The following PHF20L1 variants were observed in gnomAD, a reference collection of about 807,000 sequenced individuals.
The protein encoded by PHF20L1 is PHD finger protein 20 like 1, also known as PHD finger protein 20-like protein 1.
PHF20L1 carries 44 observed loss-of-function variants against 125.5 expected under a neutral mutation model. The observed-to-expected ratio is 0.35, with a 90% CI of 0.28 to 0.45. PHF20L1 has a LOEUF of 0.45. PHF20L1 is among the 20% of genes least tolerant of loss of function. The probability of loss-of-function intolerance (pLI) is 1.00; values close to 1 mark genes in which losing one functional copy is unlikely to be tolerated. For synonymous variants in PHF20L1, 380 were observed against 403.1 expected, an observed-to-expected ratio of 0.94 and a Z score of 0.69; for missense variants, 1,012 against 1,217.2, an observed-to-expected ratio of 0.83 and a Z score of 2.51.
At chr8:132,816,847 G>A in intron 10 of PHF20L1, 41 bp from the exon 11 acceptor site, 1 of 1,272,036 alleles carries the variant, frequency 7.9e-7, no homozygotes, top group Non-Finnish European at 1.1e-6. Context: ...AGATGCTCCT[G>A]GTATGTATCT....
intron 9 of PHF20L1, chr8:132,811,817 T>C: frequency 1.0e-6 from 1 of 984,918 alleles, no homozygotes; most frequent in Non-Finnish European, 1.2e-6. Flanking sequence ...GTAATAGCCA[T>C]AACTGGATTT....
At chr8:132,843,271 G>C in intron 19 of PHF20L1, 1 of 984,976 alleles carries the variant, frequency 1.0e-6, no homozygotes, top group Non-Finnish European at 1.2e-6. Flanking sequence ...CTAATTGTCT[G>C]TTTAAAAAAT....
chr8:132,836,443 T>A, intron 15 of PHF20L1, 97 bp from the exon 16 acceptor site: 1 of 757,276 alleles, frequency 1.3e-6, no homozygotes, highest in Admixed American at 2.7e-5. Flanking sequence ...TTAAAATGTT[T>A]AATAGCTTAT....
At chr8:132,800,101 C>A (rs1050799337) in intron 6 of PHF20L1, 4 of 144,344 alleles carry the variant, frequency 2.8e-5, no homozygotes, top group East Asian at 4.0e-4. Flanking sequence ...ATCAGATGTT[C>A]ATGAATTGAC....
chr8:132,787,461 G>A (rs1249140200), intron 2 of PHF20L1, among the ~76,000 whole-genome samples: 2 of 152,056 alleles, frequency 1.3e-5, no homozygotes, highest in African/African-American at 4.8e-5. Context: ...GGGATCAATA[G>A]GTCTGAAAAG....
intron 10 of PHF20L1, chr8:132,815,168 C>A: frequency 4.1e-6 from 1 of 243,382 alleles, no homozygotes; most frequent in Non-Finnish European, 7.7e-6. Flanking sequence ...ACTGAGAGGC[C>A]TGATTCATTA....
chr8:132,783,612 C>T (rs1830681065), intron 2 of PHF20L1, among the ~76,000 whole-genome samples: 1 of 152,022 alleles, frequency 6.6e-6, no homozygotes, highest in Non-Finnish European at 1.5e-5. Flanking sequence ...ATTGTAGGAA[C>T]ACCAGGTGAA....
At chr8:132,801,391 G>T (rs78422136) in intron 6 of PHF20L1, among the ~76,000 whole-genome samples, 2,993 of 151,820 alleles carry the variant, frequency 0.02, 96 homozygotes, top group African/African-American at 0.068. Context: ...AGAGAATCCA[G>T]TGACTTAAAA....
At chr8:132,787,541 T>G (rs756538496) in intron 2 of PHF20L1, among the ~76,000 whole-genome samples, 1 of 152,128 alleles carries the variant, frequency 6.6e-6, no homozygotes, top group Non-Finnish European at 1.5e-5. Flanking sequence ...ACCTATGAGC[T>G]ATCATCTGAA....
At chr8:132,808,532 A>C (rs1446579132) in intron 8 of PHF20L1, 1 of 152,092 alleles carries the variant, frequency 6.6e-6, no homozygotes, top group Admixed American at 6.6e-5. Context: ...GTCCTGTTTG[A>C]ATAGTCCTTA....
At chr8:132,798,349 TC>T (rs1467233650) in intron 4 of PHF20L1, among the ~76,000 whole-genome samples, 2 of 152,064 alleles carry the variant, frequency 1.3e-5, no homozygotes, top group African/African-American at 4.8e-5. Flanking sequence ...GGGCAAATGA[TC>T]TTTTTTGCAT....
chr8:132,837,609 T>C, intron 16 of PHF20L1, 103 bp from the exon 17 acceptor site: 2 of 825,672 alleles, frequency 2.4e-6, no homozygotes, highest in Non-Finnish European at 4.0e-6. Context: ...ATAGTGGCAG[T>C]AAGAAGCCAA....
At position 132,798,828 on chromosome 8, in the gene PHF20L1, A is replaced by G. The variant is rs151044859; in HGVS notation, c.397A>G (p.Ile133Val). The part of the protein sequence containing the change: ...GVIRCLKRMH[I>V]KAMPEDAKGQ... ...AATTCGTTGTTTAAAAAGAATGCACATTAAAGCCATGCCCGAGGATGCTAA... is the reference window on the plus strand; with the variant it reads ...AATTCGTTGTTTAAAAAGAATGCACGTTAAAGCCATGCCCGAGGATGCTAA... The change falls in exon 5 of 21, where the codon ATT becomes GTT. Residue 133 changes from isoleucine (I) to valine (V), a missense_variant. Around this residue, in one of 7 missense-constraint regions of PHF20L1, gnomAD observed 94 missense variants for 179.5 expected, o/e 0.52. Transcript: ENST00000395386. 11 of 1,609,816 alleles carry G rather than the reference A, an allele frequency of 6.8e-6. No individual in the cohort carries two copies. Among genetic ancestry groups the G allele is most frequent in the Non-Finnish European group, 8.5e-6 (10 of 1,177,336 alleles).
chr8:132,801,035 G>C (rs951675097), intron 6 of PHF20L1, among the ~76,000 whole-genome samples: 1 of 151,572 alleles, frequency 6.6e-6, no homozygotes, highest in Non-Finnish European at 1.5e-5. Context: ...TATTATAGGA[G>C]GGGGATTGAT....
chr8:132,785,183 C>G (rs1044070823), intron 2 of PHF20L1, among the ~76,000 whole-genome samples: 1 of 152,158 alleles, frequency 6.6e-6, no homozygotes, highest in Non-Finnish European at 1.5e-5. Context: ...CACACACATC[C>G]AGCTCCCTAT....
chr8:132,794,632 A>G (rs376515995), intron 3 of PHF20L1, 51 bp downstream of exon 3: 91 of 1,514,898 alleles, frequency 6.0e-5, no homozygotes, highest in Non-Finnish European at 7.6e-5. Flanking sequence ...ATGTAATGAC[A>G]TATTTTAAAA....
intron 2 of PHF20L1, 123 bp downstream of exon 2, chr8:132,778,034 CAT>C (rs1214857296): frequency 2.4e-5 from 15 of 626,208 alleles, no homozygotes; most frequent in African/African-American, 2.4e-4. Flanking sequence ...TTCGATTACA[CAT>C]ATATGTTGTT....
At chr8:132,792,690 C>A (rs1831874381) in intron 2 of PHF20L1, among the ~76,000 whole-genome samples, 2 of 152,172 alleles carry the variant, frequency 1.3e-5, no homozygotes, top group Non-Finnish European at 2.9e-5. Context: ...GTGCTAGGTC[C>A]TGGGGACTAC....
rs765670366 is a variant in PHF20L1, at chr8:132,814,909, A to G, written c.1183+20A>G. The G allele has an allele frequency of 1.1e-5, 17 of 1,519,944 alleles. No individual in the cohort carries two copies. The highest frequency in any genetic ancestry group is 9.2e-5 in the Admixed American group (5 of 54,426). 94.2% of individuals were successfully genotyped at this position (1,519,944 alleles called of 1,614,324 possible). On this transcript the variant is annotated intron_variant, in intron 10 of 20. Coordinates refer to ENST00000395386, the MANE Select transcript of PHF20L1 (RefSeq NM_016018.5). ...AAACTAGTGAGCACAGATTTTTAAA[A>G]AATAGTTATTTATCCTATAAGATAC...
Sources: allele counts gnomAD v4.1 joint callset (sites outside exome capture counted in the v4.1 genomes callset), GRCh38; gene constraint gnomAD v4.1.1; regional missense constraint gnomAD v4.1.1; transcripts MANE v1.5; gene names NCBI Gene and HGNC (gene_info 2026-07-23, HGNC 2026-07-21).